PDE6A: variants seen among roughly 807,000 people sequenced by gnomAD.
PDE6A encodes the protein phosphodiesterase 6A, also known as rod cGMP-specific 3',5'-cyclic phosphodiesterase subunit alpha.
Under a neutral mutation model 106.3 loss-of-function variants are expected in PDE6A, and 84 were observed. That is an observed-to-expected ratio of 0.79 (90% confidence interval 0.66 to 0.95). PDE6A has a LOEUF of 0.95. Ranked by LOEUF, PDE6A falls within the 40% of genes least tolerant of loss-of-function variation. PDE6A has a pLI of 0.00. For synonymous variants in PDE6A, 394 were observed against 386.6 expected (o/e 1.02, Z -0.23); for missense variants, 1,052 against 1,084.9 (o/e 0.97, Z 0.43).
In PDE6A at chr5:149,944,376, G is replaced by A. The variant is rs200540105; in HGVS notation, c.298C>T (p.Arg100Trp). The A allele has an allele frequency of 1.6e-4, 265 of 1,614,072 alleles. 1 individual carries two copies. Among genetic ancestry groups the A allele is most frequent in the Non-Finnish European group, 1.1e-4 (133 of 1,180,000 alleles). Residue 100 changes from arginine to tryptophan, a missense_variant, in exon 1 of 22, where the codon CGG becomes TGG. Physicochemically the swap from Arg to Trp is moderately radical, Grantham distance 101 (BLOSUM62 -3). Transcript: ENST00000255266. The part of the protein sequence containing the change: ...QADRMSLFMY[R>W]TRNGIAELAT... ...AGCTCTGCGATGCCATTGCGGGTCC[G>A]GTACATGAACAGGCTCATGCGGTCT...
intron 1 of PDE6A, among the ~76,000 whole-genome samples, chr5:149,940,789 C>A (rs746203022): frequency 7.2e-5 from 11 of 152,128 alleles, no homozygotes; most frequent in Non-Finnish European, 1.3e-4. Context: ...TGAGCCACTG[C>A]GCCCGGCCTA....
At chr5:149,886,115 T>C in intron 14 of PDE6A, 150 bp downstream of exon 14, 3 of 698,616 alleles carry the variant, frequency 4.3e-6, no homozygotes, top group Middle Eastern at 2.6e-4. Context: ...TTCTGCCTGC[T>C]ACAGGAGGAG....
At chr5:149,915,793 G>A (rs1348686377) in intron 5 of PDE6A, among the ~76,000 whole-genome samples, 1 of 152,180 alleles carries the variant, frequency 6.6e-6, no homozygotes, top group Non-Finnish European at 1.5e-5. Context: ...TTCTTTGCAT[G>A]CCTGGCTGCT....
chr5:149,870,447 A>T (rs561342979), intron 17 of PDE6A, among the ~76,000 whole-genome samples: 3 of 152,218 alleles, frequency 2.0e-5, no homozygotes, highest in African/African-American at 4.8e-5. Context: ...AGCTATGCAT[A>T]TAAGAGTCAC....
At position 149,898,258 on chromosome 5, in the gene PDE6A, T is replaced by C. The variant is rs6579762; in HGVS notation, c.1407+105A>G. 0.023 allele frequency: 22,411 copies of C among 985,594 alleles called. 3,056 individuals carry two copies. In the African/African-American group the frequency reaches 0.31, roughly 13 times the overall value. 61.1% of individuals were successfully genotyped at this position (985,594 alleles called of 1,614,324 possible). On this transcript the variant is annotated intron_variant, in intron 10 of 21. Transcript: ENST00000255266. The stretch of plus-strand genomic sequence containing the variant: ...AGGAACACAACAGTGCACAAACCCA[T>C]GCCCAGGCTGTGCCCTCATGGAGTT...
At chr5:149,934,514 G>A (rs1159092878) in intron 2 of PDE6A, 52 bp downstream of exon 2, 2 of 1,592,222 alleles carry the variant, frequency 1.3e-6, no homozygotes, top group African/African-American at 1.3e-5. Context: ...GGACTTCATA[G>A]GCTGGGAGAA....
At chr5:149,909,383 A>C (rs1376087930) in intron 6 of PDE6A, among the ~76,000 whole-genome samples, 2 of 152,200 alleles carry the variant, frequency 1.3e-5, no homozygotes, top group Non-Finnish European at 2.9e-5. Context: ...TGAGCTGGCT[A>C]TGTTCCTTGC....
intron 6 of PDE6A, 144 bp from the exon 7 acceptor site, chr5:149,907,522 G>T: frequency 1.4e-6 from 1 of 690,378 alleles, no homozygotes; most frequent in Non-Finnish European, 2.7e-6. Context: ...AACCCAAAAT[G>T]TTGGCCAACC....
intron 13 of PDE6A, among the ~76,000 whole-genome samples, chr5:149,892,639 C>T (rs181193739): frequency 3.0e-4 from 46 of 151,932 alleles, no homozygotes; most frequent in Non-Finnish European, 1.6e-4. Flanking sequence ...CACAGGCGTG[C>T]GCCACCATAC....
rs3836740 is a variant in PDE6A, at chr5:149,931,354, A to ATT, written c.718-188_718-187dup. On this transcript the variant is annotated intron_variant, in intron 3 of 21. Coordinates refer to ENST00000255266, the MANE Select transcript of PDE6A (RefSeq NM_000440.3). ...CTTTTAGATTTTTTTAAAGTTTTTA[A>ATT]TTTTTTTTTTTGCTTTGGTTGACAG... 3.6e-4 allele frequency among the ~76,000 whole-genome samples: 54 copies of ATT among 148,912 alleles called. No homozygotes were observed. In the South Asian group the frequency reaches 5.3e-3, roughly 15 times the overall value.
At chr5:149,903,615 T>C (rs781517723) in intron 8 of PDE6A, 33 bp downstream of exon 8, 2 of 1,575,604 alleles carry the variant, frequency 1.3e-6, no homozygotes, top group Admixed American at 3.3e-5. Context: ...AAAAAAATCA[T>C]ATGACTAAGA....
In PDE6A at chr5:149,944,185, T is replaced by C. The variant is rs1425899407; in HGVS notation, c.474+15A>G. The C allele has an allele frequency of 6.3e-7, 1 of 1,591,162 alleles. No individual in the cohort carries two copies. On this transcript the variant is annotated intron_variant, in intron 1 of 21. Coordinates refer to ENST00000255266, the MANE Select transcript of PDE6A (RefSeq NM_000440.3). ...ATAATGCCCCATGCCCTCTCTCTCA[T>C]GGGGAAGAGAGTACCTCCTCTGTGT...
rs748946491 is a variant in PDE6A, at chr5:149,914,942, C to T, written c.998+1G>A. On this transcript the variant is annotated splice_donor_variant, in intron 6 of 21. Coordinates refer to ENST00000255266, the MANE Select transcript of PDE6A (RefSeq NM_000440.3). LOFTEE classifies it high-confidence loss of function. The stretch of plus-strand genomic sequence containing the variant: ...TTTGTCTTTTGACAGGTGAAACTTA[C>T]GGGATGACTTTGATGTCCTCTTTGC... 35 of 1,600,656 alleles carry T rather than the reference C, an allele frequency of 2.2e-5. No homozygotes were observed. Among genetic ancestry groups the T allele is most frequent in the Non-Finnish European group, 2.6e-5 (30 of 1,168,640 alleles).
chr5:149,905,109 A>AACTTTCCACTTCCTTCCAGAC lies in PDE6A; in HGVS notation c.1066-1435_1066-1415dup, dbSNP rs1753133247. Among the ~76,000 whole-genome samples the AACTTTCCACTTCCTTCCAGAC allele has an allele frequency of 2.0e-5, 3 of 152,024 alleles. No homozygotes were observed. In the South Asian group the frequency reaches 6.2e-4, roughly 32 times the overall value. On this transcript the variant is annotated intron_variant, in intron 7 of 21. Transcript: ENST00000255266. ...ATGTCATCATTTCCTTCCCTGTTGAAACTTTCCACTTCCTTCCAGACACTT... is the reference window on the plus strand; with the variant it reads ...ATGTCATCATTTCCTTCCCTGTTGAAACTTTCCACTTCCTTCCAGACACTTTCCACTTCCTTCCAGACACTT...
intron 4 of PDE6A, among the ~76,000 whole-genome samples, chr5:149,925,800 A>T (rs1753850488): frequency 6.6e-6 from 1 of 152,148 alleles, no homozygotes; most frequent in African/African-American, 2.4e-5. Flanking sequence ...TGAAAAACAC[A>T]CAAAGAAGTA....
chr5:149,871,247 C>T (rs1028399335), intron 17 of PDE6A, among the ~76,000 whole-genome samples: 4 of 152,192 alleles, frequency 2.6e-5, no homozygotes, highest in Non-Finnish European at 1.5e-5. Flanking sequence ...AAAGTGGTCT[C>T]TGCTGGCTAG....
intron 13 of PDE6A, among the ~76,000 whole-genome samples, chr5:149,888,952 G>T (rs571833465): frequency 6.6e-6 from 1 of 151,500 alleles, no homozygotes; most frequent in South Asian, 2.1e-4. Flanking sequence ...GCATGGTGGC[G>T]GGCGCCTGTA....
intron 17 of PDE6A, among the ~76,000 whole-genome samples, chr5:149,880,564 T>G (rs1760886464): frequency 6.6e-6 from 1 of 151,408 alleles, no homozygotes; most frequent in African/African-American, 2.4e-5. Context: ...ACAAAAAAAA[T>G]TAGCCGGGCA....
intron 1 of PDE6A, among the ~76,000 whole-genome samples, chr5:149,939,283 C>G (rs1754266418): frequency 6.6e-6 from 1 of 152,274 alleles, no homozygotes; most frequent in Admixed American, 6.5e-5. Flanking sequence ...AAGCAACAGG[C>G]CGTCCCTTAG....
Sources: gnomAD v4.1 joint callset for allele counts (sites outside exome capture counted in the v4.1 genomes callset) on GRCh38, gnomAD v4.1.1 for gene constraint, MANE v1.5 for transcripts, NCBI Gene and HGNC (gene_info 2026-07-23, HGNC 2026-07-21) for gene names.